The following ARHGEF38 variants were observed in gnomAD, a reference collection of about 807,000 sequenced individuals.
ARHGEF38 encodes the protein Rho guanine nucleotide exchange factor 38, also known as Rho guanine nucleotide exchange factor (GEF) 38.
A neutral mutation model predicts 79.9 loss-of-function variants in ARHGEF38; 79 were observed. The observed-to-expected ratio is 0.99, with a 90% CI of 0.82 to 1.19. The LOEUF (loss-of-function observed/expected upper bound fraction) is 1.19, where lower values mean the gene tolerates loss of function less well. Ranked by LOEUF, ARHGEF38 falls within the 50% of genes most tolerant of loss-of-function variation. The pLI is 0.00. For synonymous variants in ARHGEF38, 366 were observed against 328.3 expected, an observed-to-expected ratio of 1.11 and a Z score of -1.24; for missense variants, 962 against 907.2, an observed-to-expected ratio of 1.06 and a Z score of -0.78.
intron 1 of ARHGEF38, among the ~76,000 whole-genome samples, chr4:105,588,489 G>T (rs149266443): frequency 6.0e-4 from 91 of 152,260 alleles, no homozygotes; most frequent in African/African-American, 2.1e-3. Context: ...ACATTGCTCT[G>T]GGGAGCTCGT....
At position 105,630,895 on chromosome 4, in the gene ARHGEF38, CAGG is replaced by C. The variant is rs1380864046; in HGVS notation, c.509_511del (p.Gly170del). The C allele has an allele frequency of 5.6e-6, 9 of 1,601,440 alleles. No individual in the cohort carries two copies. The highest frequency in any genetic ancestry group is 3.4e-5 in the South Asian group (3 of 88,174). On this transcript the variant is annotated splice_acceptor_variant and coding_sequence_variant, in exon 4 of 14. Transcript: ENST00000420470. LOFTEE classifies it high-confidence loss of function. ...CATTTTGCCTTTGTTTTGCATTTAT[CAGG>C]AGAAGTATTCTTGCAGATTAAAGGG...
At chr4:105,645,074 T>C (rs146360377) in intron 5 of ARHGEF38, 114 bp from the exon 6 acceptor site, 16,714 of 872,988 alleles carry the variant, frequency 0.019, 202 homozygotes, top group Non-Finnish European at 0.023. Flanking sequence ...ATTTTAGATA[T>C]ACAAATGAAA....
At chr4:105,575,460 G>A (rs1410731590) in intron 1 of ARHGEF38, among the ~76,000 whole-genome samples, 1 of 152,090 alleles carries the variant, frequency 6.6e-6, no homozygotes, top group African/African-American at 2.4e-5. Context: ...CTTCTTTTGA[G>A]AAACGTCTAT....
At position 105,651,669 on chromosome 4, in the gene ARHGEF38, A is replaced by G. The variant is rs1560748582; in HGVS notation, c.1009-2396A>G. 3.9e-5 allele frequency among the ~76,000 whole-genome samples: 6 copies of G among 152,242 alleles called. No individual in the cohort carries two copies. The East Asian group carries it at 1.2e-3, about 29-fold the overall frequency. On this transcript the variant is annotated intron_variant, in intron 7 of 13. Coordinates refer to ENST00000420470, the MANE Select transcript of ARHGEF38 (RefSeq NM_001242729.2). The stretch of plus-strand genomic sequence containing the variant: ...CTCTCTCTTTTTTTAAATTTTTTAG[A>G]GACAGAGTCTTGCTGTGTTGCCCAA...
chr4:105,561,419 A>AGAATAGAATGGAATG (rs1560684256), intron 1 of ARHGEF38, among the ~76,000 whole-genome samples: 1 of 46,048 alleles, frequency 2.2e-5, no homozygotes, highest in Non-Finnish European at 4.2e-5. Flanking sequence ...AGAATAGAAT[A>AGAATAGAATGGAATG]GAATGGAATA....
intron 1 of ARHGEF38, among the ~76,000 whole-genome samples, chr4:105,564,773 A>G (rs895439274): frequency 6.6e-6 from 1 of 152,188 alleles, no homozygotes; most frequent in African/African-American, 2.4e-5. Flanking sequence ...TACTTTTGTC[A>G]ATGAAAAGAG....
chr4:105,576,401 TTTC>T (rs1182215423), intron 1 of ARHGEF38, among the ~76,000 whole-genome samples: 7 of 119,550 alleles, frequency 5.9e-5, no homozygotes, highest in Non-Finnish European at 1.0e-4. Context: ...TCAATTTTCT[TTTC>T]TTCTTTTTTT....
At position 105,667,546 on chromosome 4, in the gene ARHGEF38, A is replaced by T. The variant is rs1013868218; in HGVS notation, c.1991A>T (p.Asn664Ile). ...ENRFCDDDFE[N>I]ISLFVSSRPA... Reference sequence around the variant, plus strand: ...AGGTTCTGTGACGATGATTTTGAGAACATCAGCCTCTTCGTGTCTTCACGG... The same window carrying T: ...AGGTTCTGTGACGATGATTTTGAGATCATCAGCCTCTTCGTGTCTTCACGG... Residue 664 changes from asparagine to isoleucine, a missense_variant, in exon 13 of 14, where the codon AAC becomes ATC. Physicochemically the swap from Asn to Ile is moderately radical, Grantham distance 149 (BLOSUM62 -3). Transcript: ENST00000420470. 1.3e-6 allele frequency: 2 copies of T among 1,536,664 alleles called. No homozygotes were observed. Among genetic ancestry groups the T allele is most frequent in the Admixed American group, 3.9e-5 (2 of 51,004 alleles).
intron 7 of ARHGEF38, among the ~76,000 whole-genome samples, chr4:105,649,362 A>C (rs1406535135): frequency 1.3e-5 from 2 of 152,190 alleles, no homozygotes; most frequent in African/African-American, 4.8e-5. Context: ...TGAAAGACAG[A>C]TTCTAGGGTT....
intron 2 of ARHGEF38, among the ~76,000 whole-genome samples, chr4:105,601,174 C>T (rs1448520020): frequency 2.0e-5 from 3 of 152,154 alleles, no homozygotes; most frequent in Non-Finnish European, 4.4e-5. Context: ...GGGGCTGGCC[C>T]TCATTCTCAC....
chr4:105,654,065 G>T lies in ARHGEF38; in HGVS notation c.1009G>T (p.Val337Phe), dbSNP rs763753627. 3 of 1,451,458 alleles carry T rather than the reference G, an allele frequency of 2.1e-6. No individual in the cohort carries two copies. Among genetic ancestry groups the T allele is most frequent in the South Asian group, 1.4e-5 (1 of 72,578 alleles). 89.9% of individuals were successfully genotyped at this position (1,451,458 alleles called of 1,614,324 possible). A position where few individuals can be genotyped will look rare whatever the true frequency, so the allele number is the denominator to read the frequency against. Reference sequence around the variant, plus strand: ...GAAAATAATTTCATATATATTTTAGGTTAAAGACAATACCTTTAACAGAGA... The same window carrying T: ...GAAAATAATTTCATATATATTTTAGTTTAAAGACAATACCTTTAACAGAGA... ...LKILTRGESQ[V>F]KDNTFNREEK... is the part of the protein sequence containing the mutation. The change falls in exon 8 of 14, where the codon GTT (valine) becomes TTT (phenylalanine). Residue 337 changes from valine to phenylalanine, a missense_variant and splice_region_variant. Coordinates refer to ENST00000420470, the MANE Select transcript of ARHGEF38 (RefSeq NM_001242729.2).
rs1560733691 is a variant in ARHGEF38 at position 105,630,943 on chromosome 4, A to G, written c.554A>G (p.Lys185Arg). The G allele has an allele frequency of 6.2e-7, 1 of 1,612,488 alleles. No homozygotes were observed. Among genetic ancestry groups the G allele is most frequent in the East Asian group, 2.2e-5 (1 of 44,766 alleles). Reference protein sequence around the residue: ...QIKGPLEDIYKIYCYHHDEAH... With the variant: ...QIKGPLEDIYRIYCYHHDEAH... The stretch of plus-strand genomic sequence containing the variant: ...AAAGGGCCACTGGAAGATATTTATA[A>G]AATCTACTGCTATCACCATGATGAA... Residue 185 changes from lysine (K) to arginine (R), a missense_variant, in exon 4 of 14, where the codon AAA becomes AGA. Coordinates refer to ENST00000420470, the MANE Select transcript of ARHGEF38 (RefSeq NM_001242729.2).
At position 105,645,352 on chromosome 4, in the gene ARHGEF38, T is replaced by C. The variant is rs1261734469; in HGVS notation, c.839T>C (p.Val280Ala). 2.0e-6 allele frequency: 3 copies of C among 1,528,284 alleles called. No individual in the cohort carries two copies. Among genetic ancestry groups the C allele is most frequent in the Non-Finnish European group, 1.7e-6 (2 of 1,144,930 alleles). 94.7% of individuals were successfully genotyped at this position (1,528,284 alleles called of 1,614,324 possible). ...TTTGCTGCTGTGAAGGACATTAATG[T>C]TAACATCAATGAACTTAAAAGAAGG... ...DAFAAVKDIN[V>A]NINELKRRKD... The change falls in exon 6 of 14, where the codon GTT becomes GCT. Residue 280 changes from valine to alanine, a missense_variant. Val to Ala is a moderately conservative substitution (Grantham distance 64). Coordinates refer to ENST00000420470, the MANE Select transcript of ARHGEF38 (RefSeq NM_001242729.2).
At position 105,667,501 on chromosome 4, in the gene ARHGEF38, A is replaced by T; in HGVS notation, c.1946A>T (p.Gln649Leu). ...FLKPYNPAKM[Q>L]KVDAENRFCD... ...AAACCCTACAATCCAGCAAAAATGCAGAAAGTGGATGCTGAGAACAGGTTC... is the reference window on the plus strand; with the variant it reads ...AAACCCTACAATCCAGCAAAAATGCTGAAAGTGGATGCTGAGAACAGGTTC... Residue 649 changes from glutamine (Q) to leucine (L), a missense_variant, in exon 13 of 14, where the codon CAG becomes CTG. Gln to Leu is a moderately radical substitution (Grantham distance 113). Coordinates refer to ENST00000420470, the MANE Select transcript of ARHGEF38 (RefSeq NM_001242729.2). The T allele has an allele frequency of 6.5e-7, 1 of 1,536,452 alleles. No individual in the cohort carries two copies. The highest frequency in any genetic ancestry group is 8.7e-7 in the Non-Finnish European group (1 of 1,146,980).
At chr4:105,603,561 A>G (rs944634940) in intron 2 of ARHGEF38, among the ~76,000 whole-genome samples, 2 of 152,118 alleles carry the variant, frequency 1.3e-5, no homozygotes, top group Admixed American at 6.5e-5. Context: ...CTTGAAAGCC[A>G]CTAGATCCAA....
rs147443552 is a variant in ARHGEF38, at chr4:105,592,782, C to A, written c.384+3347C>A. On this transcript the variant is annotated intron_variant, in intron 2 of 13. Coordinates refer to ENST00000420470, the MANE Select transcript of ARHGEF38 (RefSeq NM_001242729.2). The stretch of plus-strand genomic sequence containing the variant: ...CCTTTTCCATCATTTCATAAAGAAA[C>A]TAGAAACAATAAGATGTGCACACTC... 4.0e-3 allele frequency among the ~76,000 whole-genome samples: 604 copies of A among 152,250 alleles called. 1 individual carries two copies. Among genetic ancestry groups the A allele is most frequent in the Non-Finnish European group, 7.0e-3 (476 of 68,014 alleles).
Position 105,631,471 on chromosome 4 carries a change from A to G in ARHGEF38, c.656+426A>G, listed in dbSNP as rs938540645. ...TCTGCATGGCCGTCTTCTTTCCCCA[A>G]ACTCACTGTGGGGAGATGGGTGAAG... is the stretch of plus-strand genomic sequence containing the variant. On this transcript the variant is annotated intron_variant, in intron 4 of 13. Transcript: ENST00000420470. The G allele has an allele frequency of 1.1e-5, 11 of 985,666 alleles. No homozygotes were observed. In the African/African-American group the frequency reaches 1.4e-4, roughly 13 times the overall value. The allele number at this position is 985,666 out of a possible 1,614,324, so 61.1% of individuals were successfully genotyped here.
intron 1 of ARHGEF38, among the ~76,000 whole-genome samples, chr4:105,582,252 AAG>A (rs1726833002): frequency 7.3e-5 from 11 of 150,710 alleles, no homozygotes; most frequent in Admixed American, 5.9e-4. Flanking sequence ...CAATTTCATT[AAG>A]CTTTGTTCTT....
At chr4:105,673,338 G>A (rs1035901887) in intron 13 of ARHGEF38, among the ~76,000 whole-genome samples, 6 of 152,114 alleles carry the variant, frequency 3.9e-5, no homozygotes, top group Non-Finnish European at 8.8e-5. Context: ...GTTTAATAAC[G>A]GCTAAAACCC....
Sources: gnomAD v4.1 joint callset for allele counts (sites outside exome capture counted in the v4.1 genomes callset) on GRCh38, gnomAD v4.1.1 for gene constraint, MANE v1.5 for transcripts, NCBI Gene and HGNC (gene_info 2026-07-23, HGNC 2026-07-21) for gene names.